Variants in LINC00237 observed in about 807,000 individuals in gnomAD.
LINC00237 encodes the protein long independently transcribed non-coding RNA 237.
chr20:21,089,526 T>G (rs2030763244), intron 2 of LINC00237, among the ~76,000 whole-genome samples: 1 of 152,160 alleles, frequency 6.6e-6, no homozygotes. Context: ...CTTTCTTCTC[T>G]TCGCTGGGCT....
intron 2 of LINC00237, among the ~76,000 whole-genome samples, chr20:21,088,934 A>G (rs1351959595): frequency 2.0e-5 from 3 of 151,944 alleles, no homozygotes; most frequent in African/African-American, 7.3e-5. Flanking sequence ...TGTATGTGTA[A>G]CCCATGCACA....
intron 2 of LINC00237, among the ~76,000 whole-genome samples, chr20:21,089,313 G>A (rs961375575): frequency 6.6e-6 from 1 of 151,684 alleles, no homozygotes; most frequent in Non-Finnish European, 1.5e-5. Flanking sequence ...AACACCCTTC[G>A]GTTTCTCTCA....
chr20:21,091,315 A>G (rs2030790107), intron 2 of LINC00237, among the ~76,000 whole-genome samples: 1 of 152,256 alleles, frequency 6.6e-6, no homozygotes, highest in African/African-American at 2.4e-5. Flanking sequence ...GAGCCGTCAT[A>G]TTTTATTTGG....
chr20:21,105,427 G>A (rs1249091799), intron 1 of LINC00237, among the ~76,000 whole-genome samples: 1 of 152,190 alleles, frequency 6.6e-6, no homozygotes, highest in Non-Finnish European at 1.5e-5. Flanking sequence ...TCCCGCAAGT[G>A]GTTTCTCGAG....
intron 1 of LINC00237, among the ~76,000 whole-genome samples, chr20:21,099,242 G>T (rs6137262): frequency 1.3e-5 from 2 of 152,184 alleles, no homozygotes; most frequent in African/African-American, 4.8e-5. Flanking sequence ...GGATAGCCCC[G>T]AGCCAGGCAG....
intron 1 of LINC00237, among the ~76,000 whole-genome samples, chr20:21,105,281 T>TCCCCCGC (rs1555863803): frequency 7.2e-6 from 1 of 139,722 alleles, no homozygotes; most frequent in African/African-American, 2.6e-5. Flanking sequence ...AACCCCCCCG[T>TCCCCCGC]CCCCCGCCCC....
chr20:21,099,647 C>A (rs1165134782), intron 1 of LINC00237, among the ~76,000 whole-genome samples: 1 of 152,106 alleles, frequency 6.6e-6, no homozygotes, highest in African/African-American at 2.4e-5. Flanking sequence ...CCCTGATGAC[C>A]CAGGCGCCCT....
chr20:21,086,586 A>G (rs1425569356), intron 3 of LINC00237, among the ~76,000 whole-genome samples: 2 of 134,248 alleles, frequency 1.5e-5, no homozygotes, highest in African/African-American at 5.6e-5. Context: ...GTGTATATAT[A>G]GTATACACTA....
At chr20:21,095,251 C>T (rs1295146825) in intron 1 of LINC00237, among the ~76,000 whole-genome samples, 3 of 152,094 alleles carry the variant, frequency 2.0e-5, no homozygotes, top group African/African-American at 7.2e-5. Context: ...AAGAGAAACC[C>T]ATGCTAGGGT....
At chr20:21,097,603 T>C (rs1176862056) in intron 1 of LINC00237, among the ~76,000 whole-genome samples, 1 of 152,194 alleles carries the variant, frequency 6.6e-6, no homozygotes, top group Non-Finnish European at 1.5e-5. Flanking sequence ...CAAGGTTTAT[T>C]TCATTTAAGT....
intron 1 of LINC00237, among the ~76,000 whole-genome samples, chr20:21,102,122 C>T (rs1395759504): frequency 6.6e-6 from 1 of 152,256 alleles, no homozygotes; most frequent in East Asian, 1.9e-4. Context: ...ACTTGGGCCT[C>T]GCAACTCAGC....
chr20:21,106,210 T>G (rs915158467), intron 1 of LINC00237: 3 of 152,730 alleles, frequency 2.0e-5, no homozygotes, highest in African/African-American at 7.2e-5. Context: ...TCCTCCTCTC[T>G]GCAAGACATC....
chr20:21,100,204 G>A (rs2030911452), intron 1 of LINC00237, among the ~76,000 whole-genome samples: 1 of 152,124 alleles, frequency 6.6e-6, no homozygotes, highest in Non-Finnish European at 1.5e-5. Flanking sequence ...AGGGATGCCC[G>A]TAGAGGATAA....
chr20:21,090,152 G>A (rs2030772643), intron 2 of LINC00237: 1 of 152,198 alleles, frequency 6.6e-6, no homozygotes, highest in African/African-American at 2.4e-5. Context: ...ACTCCGAATT[G>A]CATTTGGTTC....
intron 1 of LINC00237, among the ~76,000 whole-genome samples, chr20:21,094,596 A>G (rs1180654856): frequency 1.3e-5 from 2 of 152,176 alleles, no homozygotes; most frequent in Non-Finnish European, 2.9e-5. Flanking sequence ...GCATGATAGT[A>G]TCCGAATATA....
chr20:21,089,566 T>C (rs2030763980), intron 2 of LINC00237: 1 of 152,178 alleles, frequency 6.6e-6, no homozygotes, highest in South Asian at 2.1e-4. Context: ...GTGTTTTACC[T>C]GCACAGGAAG....
chr20:21,103,842 A>T (rs908334472), intron 1 of LINC00237, among the ~76,000 whole-genome samples: 3 of 152,212 alleles, frequency 2.0e-5, no homozygotes, highest in East Asian at 1.9e-4. Context: ...GTCCGAAATC[A>T]TTAGACTTGA....
At chr20:21,087,364 CT>C (rs2030727622) in intron 3 of LINC00237, among the ~76,000 whole-genome samples, 1 of 152,160 alleles carries the variant, frequency 6.6e-6, no homozygotes, top group East Asian at 1.9e-4. Context: ...AAACATTCCC[CT>C]TTTGAATGGG....
At chr20:21,100,032 T>A (rs1305186816) in intron 1 of LINC00237, among the ~76,000 whole-genome samples, 1 of 152,336 alleles carries the variant, frequency 6.6e-6, no homozygotes, top group African/African-American at 2.4e-5. Context: ...TGACCTCCGA[T>A]GGCGCCTATC....
Sources: allele counts gnomAD v4.1 joint callset (sites outside exome capture counted in the v4.1 genomes callset), GRCh38; gene constraint gnomAD v4.1.1; transcripts MANE v1.5; gene names NCBI Gene and HGNC (gene_info 2026-07-23, HGNC 2026-07-21).